Variants in SCARA5 observed in about 807,000 individuals in gnomAD.
SCARA5 encodes scavenger receptor class A member 5.
SCARA5 carries 45 observed loss-of-function variants against 46.3 expected under a neutral mutation model. The ratio of observed to expected loss-of-function variants is 0.97; its 90% CI spans 0.76 to 1.24. SCARA5 has a LOEUF of 1.24. Ranked by LOEUF, SCARA5 falls within the 50% of genes most tolerant of loss-of-function variation. The probability of loss-of-function intolerance (pLI) is 0.00; values close to 1 mark genes in which losing one functional copy is unlikely to be tolerated. For synonymous variants in SCARA5, 333 were observed against 306.5 expected, an observed-to-expected ratio of 1.09 and a Z score of -0.90; for missense variants, 680 against 689.0, an observed-to-expected ratio of 0.99 and a Z score of 0.15.
intron 4 of SCARA5, among the ~76,000 whole-genome samples, chr8:27,917,754 A>G (rs1010034787): frequency 1.8e-4 from 27 of 152,338 alleles, no homozygotes; most frequent in African/African-American, 6.3e-4. Context: ...TATAGGTCAT[A>G]ATTCACTGTA....
At chr8:27,984,094 C>G (rs896567134) in intron 2 of SCARA5, among the ~76,000 whole-genome samples, 1 of 152,086 alleles carries the variant, frequency 6.6e-6, no homozygotes, top group East Asian at 1.9e-4. Context: ...TTCCCAACTT[C>G]CCCCTCCTCC....
At chr8:27,946,407 C>G (rs1808037908) in intron 3 of SCARA5, among the ~76,000 whole-genome samples, 1 of 152,226 alleles carries the variant, frequency 6.6e-6, no homozygotes, top group Non-Finnish European at 1.5e-5. Flanking sequence ...TCCTCAGATG[C>G]TCAGGTCCCT....
intron 7 of SCARA5, among the ~76,000 whole-genome samples, chr8:27,884,095 C>T (rs1035022653): frequency 4.6e-5 from 7 of 152,138 alleles, no homozygotes; most frequent in Non-Finnish European, 8.8e-5. Flanking sequence ...CACCAGGAAG[C>T]GACCCCAACC....
chr8:27,890,443 C>A (rs1806963136), intron 7 of SCARA5, among the ~76,000 whole-genome samples: 3 of 152,202 alleles, frequency 2.0e-5, no homozygotes, highest in South Asian at 4.1e-4. Context: ...GAAATAGAGA[C>A]CATGTCTTGT....
At chr8:27,920,955 T>A (rs1298039820) in intron 4 of SCARA5, among the ~76,000 whole-genome samples, 1 of 151,920 alleles carries the variant, frequency 6.6e-6, no homozygotes, top group Non-Finnish European at 1.5e-5. Context: ...CAGCCTGGGC[T>A]ACAGAGCGAG....
At chr8:27,956,890 T>C (rs1220622435) in intron 3 of SCARA5, among the ~76,000 whole-genome samples, 1 of 152,188 alleles carries the variant, frequency 6.6e-6, no homozygotes, top group Non-Finnish European at 1.5e-5. Context: ...TGCAGGACTG[T>C]CACAGAAATT....
chr8:27,904,195 G>C (rs1239303418), intron 7 of SCARA5, among the ~76,000 whole-genome samples: 1 of 152,138 alleles, frequency 6.6e-6, no homozygotes, highest in Admixed American at 6.5e-5. Flanking sequence ...GTGGCAAATG[G>C]GGAAAACAAA....
chr8:27,983,657 G>T (rs1808657508), intron 2 of SCARA5, among the ~76,000 whole-genome samples: 1 of 152,188 alleles, frequency 6.6e-6, no homozygotes, highest in African/African-American at 2.4e-5. Context: ...ATTCCCAGAG[G>T]AGCAAAACAC....
intron 2 of SCARA5, among the ~76,000 whole-genome samples, chr8:27,976,545 C>A (rs1808526876): frequency 6.6e-6 from 1 of 152,200 alleles, no homozygotes. Flanking sequence ...AACCTTCCGC[C>A]CACCTCCTGG....
intron 2 of SCARA5, among the ~76,000 whole-genome samples, chr8:27,967,530 AT>A (rs940377547): frequency 6.6e-6 from 1 of 152,064 alleles, no homozygotes; most frequent in Non-Finnish European, 1.5e-5. Flanking sequence ...GGGGGACGGC[AT>A]TTTTTTAAAA....
intron 4 of SCARA5, among the ~76,000 whole-genome samples, chr8:27,914,149 GCA>G (rs1340773106): frequency 6.6e-6 from 1 of 152,122 alleles, no homozygotes; most frequent in Non-Finnish European, 1.5e-5. Context: ...GGGGAGTTCT[GCA>G]CACACTCTCT....
intron 3 of SCARA5, 66 bp from the exon 4 acceptor site, chr8:27,922,311 G>A (rs34037738): frequency 0.025 from 30,855 of 1,212,966 alleles, 473 homozygotes; most frequent in Non-Finnish European, 0.029. Context: ...GACAAGAGGC[G>A]AACCCAGTCA....
chr8:27,984,642 AC>A (rs1220566790), intron 2 of SCARA5, among the ~76,000 whole-genome samples: 1 of 151,502 alleles, frequency 6.6e-6, no homozygotes, highest in Non-Finnish European at 1.5e-5. Flanking sequence ...CCATTCATTC[AC>A]CCATCCATTC....
At chr8:27,988,617 C>T (rs1198842022) in intron 1 of SCARA5, among the ~76,000 whole-genome samples, 1 of 152,214 alleles carries the variant, frequency 6.6e-6, no homozygotes, top group African/African-American at 2.4e-5. Flanking sequence ...GATGCATTTA[C>T]ATTCCTTATG....
chr8:27,884,797 G>A (rs774559927), intron 7 of SCARA5, among the ~76,000 whole-genome samples: 9 of 152,220 alleles, frequency 5.9e-5, no homozygotes, highest in Non-Finnish European at 1.3e-4. Context: ...CCCTCATGGA[G>A]CTGACATTCT....
At chr8:27,881,636 C>T (rs1563511238) in intron 7 of SCARA5, among the ~76,000 whole-genome samples, 1 of 152,238 alleles carries the variant, frequency 6.6e-6, no homozygotes, top group South Asian at 2.1e-4. Context: ...GCAATATACC[C>T]AGGTAATAAA....
At chr8:27,980,739 G>A (rs1320320757) in intron 2 of SCARA5, among the ~76,000 whole-genome samples, 1 of 152,164 alleles carries the variant, frequency 6.6e-6, no homozygotes, top group African/African-American at 2.4e-5. Flanking sequence ...GATGATGAAG[G>A]GACAGACACA....
intron 3 of SCARA5, among the ~76,000 whole-genome samples, chr8:27,930,563 C>T (rs1055572782): frequency 3.3e-5 from 5 of 152,038 alleles, no homozygotes; most frequent in Admixed American, 6.5e-5. Flanking sequence ...CCACCATGCC[C>T]GGCTAATTTT....
chr8:27,945,376 G>A (rs764647140), intron 3 of SCARA5, among the ~76,000 whole-genome samples: 4 of 152,128 alleles, frequency 2.6e-5, no homozygotes, highest in African/African-American at 7.2e-5. Flanking sequence ...ATGTCAAGCC[G>A]TGGCTTCCCC....
Sources: allele counts gnomAD v4.1 joint callset (sites outside exome capture counted in the v4.1 genomes callset), GRCh38; gene constraint gnomAD v4.1.1; transcripts MANE v1.5; gene names NCBI Gene and HGNC (gene_info 2026-07-23, HGNC 2026-07-21).